Variants in ICE1 observed in about 807,000 individuals in gnomAD.
The protein encoded by ICE1 is little elongation complex subunit 1.
Under a neutral mutation model 192.7 loss-of-function variants are expected in ICE1, and 64 were observed. The ratio of observed to expected loss-of-function variants is 0.33; its 90% confidence interval spans 0.27 to 0.41. The LOEUF is 0.41. Among genes scored for constraint, ICE1 ranks in the 10% least tolerant of loss-of-function variants. The probability of loss-of-function intolerance (pLI) is 1.00; values close to 1 mark genes in which losing one functional copy is unlikely to be tolerated. For missense variants in ICE1, 2,708 were observed against 2,696.0 expected (o/e 1.00, Z -0.10); for synonymous variants, 1,010 against 984.5 (o/e 1.03, Z -0.49).
Position 5,460,779 on chromosome 5 carries a change from C to CA in ICE1, c.1450dup (p.Thr484AsnfsTer6). ...AGAAAAAGAGACATTTTACATGAGACAAAAACACAAATGGAGGTTAGGGAG... is the reference window on the plus strand; with the variant it reads ...AGAAAAAGAGACATTTTACATGAGACAAAAAACACAAATGGAGGTTAGGGAG... On this transcript the variant is annotated frameshift_variant, in exon 13 of 19. Transcript: ENST00000296564. LOFTEE classifies it high-confidence loss of function. 1 of 1,613,964 alleles carries CA rather than the reference C, an allele frequency of 6.2e-7. No homozygotes were observed. The highest frequency in any genetic ancestry group is 8.5e-7 in the Non-Finnish European group (1 of 1,179,880).
intron 10 of ICE1, among the ~76,000 whole-genome samples, chr5:5,452,821 T>C (rs1201452877): frequency 6.6e-6 from 1 of 152,060 alleles, no homozygotes; most frequent in African/African-American, 2.4e-5. Flanking sequence ...GAAAATAAAT[T>C]AAATAAATAA....
chr5:5,472,951 G>A (rs1408261717), intron 15 of ICE1, among the ~76,000 whole-genome samples: 1 of 152,156 alleles, frequency 6.6e-6, no homozygotes, highest in African/African-American at 2.4e-5. Flanking sequence ...AGGCTTGCAC[G>A]TGAATATTCA....
chr5:5,483,378 G>A (rs536131324), intron 17 of ICE1, among the ~76,000 whole-genome samples: 117 of 152,326 alleles, frequency 7.7e-4, no homozygotes, highest in Middle Eastern at 3.4e-3. Flanking sequence ...AGGTCAGTGA[G>A]ACTTGCGTTA....
Position 5,462,945 on chromosome 5 carries a change from A to G in ICE1, c.3611A>G (p.Lys1204Arg). The stretch of plus-strand genomic sequence containing the variant: ...TGTTCTAGTAAAGGAACCCTAAGTA[A>G]AGAAATGAACAAAGAATTAAAGGCA... ...SECSSKGTLS[K>R]EMNKELKASE... The change falls in exon 13 of 19, where the codon AAA (lysine) becomes AGA (arginine). Residue 1204 changes from lysine (K) to arginine (R), a missense_variant. By Grantham distance (26) the Lys-to-Arg change is conservative. Coordinates refer to ENST00000296564, the MANE Select transcript of ICE1 (RefSeq NM_015325.3). 6.2e-7 allele frequency: 1 copy of G among 1,612,062 alleles called. No individual in the cohort carries two copies. The highest frequency in any genetic ancestry group is 8.5e-7 in the Non-Finnish European group (1 of 1,178,928).
Position 5,461,037 on chromosome 5 carries a change from G to A in ICE1, c.1703G>A (p.Arg568Gln). The A allele has an allele frequency of 3.7e-6, 6 of 1,614,004 alleles. No individual in the cohort carries two copies. The highest frequency in any genetic ancestry group is 2.2e-5 in the East Asian group (1 of 44,888). ...SPKSEFTKWT[R>Q]INEITSEPDR... The stretch of plus-strand genomic sequence containing the variant: ...AAATCAGAGTTTACTAAGTGGACAC[G>A]AATTAATGAAATCACTTCTGAACCA... The change falls in exon 13 of 19, where the codon CGA becomes CAA. Residue 568 changes from arginine (R) to glutamine (Q), a missense_variant. Around this residue, in one of 2 missense-constraint regions of ICE1, gnomAD observed 2,366 missense variants for 2,276.6 expected, o/e 1.04. Transcript: ENST00000296564.
chr5:5,477,146 A>T (rs1739338672), intron 17 of ICE1, among the ~76,000 whole-genome samples: 1 of 152,170 alleles, frequency 6.6e-6, no homozygotes, highest in Non-Finnish European at 1.5e-5. Flanking sequence ...AAAATCTATT[A>T]ATTAGAAAGA....
At chr5:5,437,956 A>G (rs768619097) in intron 3 of ICE1, 2 of 152,226 alleles carry the variant, frequency 1.3e-5, no homozygotes, top group African/African-American at 2.4e-5. Context: ...CTTACATGTC[A>G]TCATCAGTTA....
intron 17 of ICE1, 46 bp downstream of exon 17, chr5:5,476,125 T>G (rs768347573): frequency 2.6e-6 from 3 of 1,133,876 alleles, no homozygotes; most frequent in Non-Finnish European, 3.7e-6. Context: ...TATTGATATC[T>G]TGGTGGAAGG....
intron 3 of ICE1, among the ~76,000 whole-genome samples, chr5:5,438,955 G>A (rs943251911): frequency 4.6e-5 from 7 of 152,094 alleles, no homozygotes; most frequent in East Asian, 3.8e-4. Context: ...TTGAAGTGCC[G>A]ATGTCACAGA....
At chr5:5,447,625 C>A (rs1166973638) in intron 8 of ICE1, 96 bp from the exon 9 acceptor site, 3 of 1,377,880 alleles carry the variant, frequency 2.2e-6, no homozygotes, top group Non-Finnish European at 3.0e-6. Context: ...CAAAAACAGT[C>A]CCAGCTGCCT....
chr5:5,477,191 A>G (rs1218918327), intron 17 of ICE1, among the ~76,000 whole-genome samples: 3 of 152,204 alleles, frequency 2.0e-5, no homozygotes, highest in South Asian at 2.1e-4. Flanking sequence ...AAAAAAATCA[A>G]TGAATCCAGG....
Position 5,489,650 on chromosome 5 carries a change from C to T in ICE1, c.*320C>T, listed in dbSNP as rs1437227451. 5.3e-6 allele frequency: 1 copy of T among 190,354 alleles called. No individual in the cohort carries two copies. Among genetic ancestry groups the T allele is most frequent in the African/African-American group, 2.3e-5 (1 of 43,124 alleles). 11.8% of individuals were successfully genotyped at this position (190,354 alleles called of 1,614,324 possible). A position where few individuals can be genotyped will look rare whatever the true frequency, so the allele number is the denominator to read the frequency against. Reference sequence around the variant, plus strand: ...GCAGAAAGTGTCCTTTTAGTGGCTTCTTAAAATTGAGTGGCATTTTATAAT... The same window carrying T: ...GCAGAAAGTGTCCTTTTAGTGGCTTTTTAAAATTGAGTGGCATTTTATAAT... On this transcript the variant is annotated 3_prime_UTR_variant, in exon 19 of 19. Transcript: ENST00000296564.
rs977271778 is a variant in ICE1 at position 5,436,491 on chromosome 5, A to G, written c.143+15A>G. On this transcript the variant is annotated intron_variant, in intron 2 of 18. Transcript: ENST00000296564. ...ATCAATACAGAGTAAGTATATTTGC[A>G]TGTCGTTTGGCAGAACTTTGTAAAC... 5.6e-6 allele frequency: 8 copies of G among 1,429,780 alleles called. No homozygotes were observed. Among genetic ancestry groups the G allele is most frequent in the Non-Finnish European group, 6.5e-6 (7 of 1,072,314 alleles). 88.6% of individuals were successfully genotyped at this position (1,429,780 alleles called of 1,614,324 possible).
At chr5:5,446,554 G>T (rs1424235498) in intron 7 of ICE1, among the ~76,000 whole-genome samples, 2 of 152,128 alleles carry the variant, frequency 1.3e-5, no homozygotes, top group African/African-American at 4.8e-5. Context: ...CCAAAGTGCT[G>T]GGATCACAGT....
Position 5,486,457 on chromosome 5 carries a change from C to T in ICE1, c.6521-264C>T, listed in dbSNP as rs1421312015. Among the ~76,000 whole-genome samples the T allele has an allele frequency of 2.6e-5, 4 of 152,232 alleles. No individual in the cohort carries two copies. The East Asian group carries it at 5.8e-4, about 22-fold the overall frequency. On this transcript the variant is annotated intron_variant, in intron 17 of 18. Coordinates refer to ENST00000296564, the MANE Select transcript of ICE1 (RefSeq NM_015325.3). ...CCAAAAATACATATTTTGGTGGGAC[C>T]ATAGTCTTATCTTTGATCTGTTAAC...
In ICE1 at chr5:5,452,633, G is replaced by C. The variant is rs1402586161; in HGVS notation, c.605-1919G>C. On this transcript the variant is annotated intron_variant, in intron 10 of 18. Coordinates refer to ENST00000296564, the MANE Select transcript of ICE1 (RefSeq NM_015325.3). Reference sequence around the variant, plus strand: ...ATACAGAAATATTCAAAGTCCCATAGATGTTTTCTATGGAAGAGCACAAGC... The same window carrying C: ...ATACAGAAATATTCAAAGTCCCATACATGTTTTCTATGGAAGAGCACAAGC... Among the ~76,000 whole-genome samples, 24 of 152,096 alleles carry C rather than the reference G, an allele frequency of 1.6e-4. 1 individual carries two copies. The highest frequency in any genetic ancestry group is 1.6e-3 in the Admixed American group (24 of 15,262).
At chr5:5,439,868 C>T (rs763187124) in intron 3 of ICE1, 27 bp from the exon 4 acceptor site, 2 of 1,504,908 alleles carry the variant, frequency 1.3e-6, no homozygotes, top group South Asian at 1.3e-5. Flanking sequence ...AGATAAAATT[C>T]TCAGAGTTTT....
In ICE1 at chr5:5,447,726, G is replaced by T; in HGVS notation, c.513G>T (p.Arg171Ser). Reference protein sequence around the residue: ...LEKEFKKTQERLDEFSKQKNE... With the variant: ...LEKEFKKTQESLDEFSKQKNE... Reference sequence around the variant, plus strand: ...TTAATATTTTGTTTTCACAGGAAAGGCTTGACGAATTTTCTAAACAGAAAA... The same window carrying T: ...TTAATATTTTGTTTTCACAGGAAAGTCTTGACGAATTTTCTAAACAGAAAA... Residue 171 changes from arginine to serine, a missense_variant, in exon 9 of 19, where the codon AGG becomes AGT. Transcript: ENST00000296564. 6.3e-7 allele frequency: 1 copy of T among 1,581,662 alleles called. No homozygotes were observed. The highest frequency in any genetic ancestry group is 8.6e-7 in the Non-Finnish European group (1 of 1,161,482).
intron 17 of ICE1, among the ~76,000 whole-genome samples, chr5:5,477,637 T>C (rs1739355933): frequency 6.6e-6 from 1 of 152,230 alleles, no homozygotes; most frequent in African/African-American, 2.4e-5. Flanking sequence ...ACTCATTTTA[T>C]GAGGCCAGCA....
Sources: allele counts gnomAD v4.1 joint callset (sites outside exome capture counted in the v4.1 genomes callset), GRCh38; gene constraint gnomAD v4.1.1; regional missense constraint gnomAD v4.1.1; transcripts MANE v1.5; gene names NCBI Gene and HGNC (gene_info 2026-07-23, HGNC 2026-07-21).